Variants in ROBO2 observed in about 807,000 individuals in gnomAD.
The protein encoded by ROBO2 is roundabout guidance receptor 2, also known as roundabout homolog 2.
ROBO2 carries 53 observed loss-of-function variants against 160.8 expected under a neutral mutation model. The ratio of observed to expected loss-of-function variants is 0.33; its 90% confidence interval spans 0.26 to 0.41. The LOEUF (loss-of-function observed/expected upper bound fraction) is 0.41. Among genes scored for constraint, ROBO2 ranks in the 10% least tolerant of loss-of-function variants. ROBO2 has a pLI of 1.00. For synonymous variants in ROBO2, 664 were observed against 611.7 expected (o/e 1.09, Z -1.26); for missense variants, 1,577 against 1,722.4 (o/e 0.92, Z 1.49).
intron 2 of ROBO2, among the ~76,000 whole-genome samples, chr3:77,404,598 A>C (rs1295069780): frequency 1.3e-5 from 2 of 152,190 alleles, no homozygotes; most frequent in African/African-American, 4.8e-5. Context: ...ATATGAAAGA[A>C]GGAAAATTCC....
At chr3:76,377,631 G>T (rs1418872929) in intron 2 of ROBO2, among the ~76,000 whole-genome samples, 1 of 152,106 alleles carries the variant, frequency 6.6e-6, no homozygotes, top group African/African-American at 2.4e-5. Context: ...TTCAGCGAAT[G>T]CTCTCCCTAT....
At chr3:76,029,763 C>T (rs1188790331) in intron 2 of ROBO2, among the ~76,000 whole-genome samples, 1 of 152,160 alleles carries the variant, frequency 6.6e-6, no homozygotes, top group Non-Finnish European at 1.5e-5. Flanking sequence ...TCCAGTCTAT[C>T]ATTGATGGAC....
chr3:77,128,173 G>T (rs969505734), intron 2 of ROBO2, among the ~76,000 whole-genome samples: 2 of 152,158 alleles, frequency 1.3e-5, no homozygotes, highest in African/African-American at 2.4e-5. Flanking sequence ...TGCATATCCA[G>T]GTGTTAAGGC....
At chr3:77,053,422 G>A (rs1325708035) in intron 1 of ROBO2, among the ~76,000 whole-genome samples, 1 of 152,068 alleles carries the variant, frequency 6.6e-6, no homozygotes. Flanking sequence ...ATCTGAATAT[G>A]AGAACAAACA....
intron 24 of ROBO2, among the ~76,000 whole-genome samples, chr3:77,639,202 C>T (rs947851306): frequency 1.3e-5 from 2 of 152,078 alleles, no homozygotes; most frequent in African/African-American, 4.8e-5. Context: ...CTAGCTTTGG[C>T]CTTTGAGCAA....
chr3:77,312,740 A>G (rs1453045779), intron 2 of ROBO2, among the ~76,000 whole-genome samples: 1 of 152,228 alleles, frequency 6.6e-6, no homozygotes, highest in Non-Finnish European at 1.5e-5. Context: ...AGTTTGCACT[A>G]TTGGTGAGTG....
chr3:76,461,670 T>C (rs544709595), intron 2 of ROBO2, among the ~76,000 whole-genome samples: 3 of 152,324 alleles, frequency 2.0e-5, no homozygotes, highest in African/African-American at 7.2e-5. Context: ...ACAATTTCTT[T>C]ACAAATTCTT....
At chr3:76,378,621 T>C (rs1311012288) in intron 2 of ROBO2, among the ~76,000 whole-genome samples, 1 of 152,202 alleles carries the variant, frequency 6.6e-6, no homozygotes, top group Non-Finnish European at 1.5e-5. Context: ...GTAGCAAGTT[T>C]AGTAAAACAA....
intron 21 of ROBO2, 62 bp from the exon 23 acceptor site, chr3:77,617,451 T>A: frequency 1.3e-6 from 2 of 1,582,486 alleles, no homozygotes; most frequent in Non-Finnish European, 1.7e-6. Context: ...CCAGTATAAT[T>A]GTGTGCATGT....
At chr3:77,527,126 T>A (rs2091241464) in intron 6 of ROBO2, among the ~76,000 whole-genome samples, 1 of 151,448 alleles carries the variant, frequency 6.6e-6, no homozygotes, top group Non-Finnish European at 1.5e-5. Flanking sequence ...ATCTTTGAAA[T>A]AATAACTGCA....
At chr3:77,390,150 G>A (rs181045127) in intron 2 of ROBO2, among the ~76,000 whole-genome samples, 3 of 152,200 alleles carry the variant, frequency 2.0e-5, no homozygotes, top group East Asian at 1.9e-4. Flanking sequence ...CAGTCCTTCC[G>A]CCCCTTCTTC....
chr3:75,922,081 A>C (rs1026836165), intron 1 of ROBO2, among the ~76,000 whole-genome samples: 1 of 152,150 alleles, frequency 6.6e-6, no homozygotes, highest in African/African-American at 2.4e-5. Flanking sequence ...TAATTAAATA[A>C]TTTCATGTTA....
intron 2 of ROBO2, among the ~76,000 whole-genome samples, chr3:76,349,066 A>G (rs1399904985): frequency 1.3e-5 from 2 of 152,146 alleles, no homozygotes; most frequent in African/African-American, 2.4e-5. Context: ...CTTACTGTTT[A>G]AGATCTCTGT....
At chr3:76,076,997 G>A (rs912588631) in intron 2 of ROBO2, among the ~76,000 whole-genome samples, 4 of 151,946 alleles carry the variant, frequency 2.6e-5, no homozygotes, top group African/African-American at 9.7e-5. Flanking sequence ...TGTTTAATTC[G>A]GGCTCTACTT....
chr3:76,374,100 C>T (rs1388255720), intron 2 of ROBO2, among the ~76,000 whole-genome samples: 1 of 151,884 alleles, frequency 6.6e-6, no homozygotes, highest in Non-Finnish European at 1.5e-5. Flanking sequence ...TGACTCATTT[C>T]TTTTATCAAA....
intron 1 of ROBO2, among the ~76,000 whole-genome samples, chr3:77,061,998 G>C (rs574007737): frequency 1.8e-4 from 27 of 152,146 alleles, no homozygotes; most frequent in African/African-American, 5.8e-4. Flanking sequence ...GAAAACATTA[G>C]TAGATTCAAA....
chr3:77,562,515 T>TTGAC, intron 9 of ROBO2, 136 bp from the exon 11 acceptor site: 1 of 638,194 alleles, frequency 1.6e-6, no homozygotes, highest in Non-Finnish European at 2.9e-6. Context: ...ATACATATGA[T>TTGAC]TGACTCTAAT....
At chr3:77,648,306 C>G (rs1455722965) in exon 26 of ROBO2, 1 of 152,098 alleles carries the variant, frequency 6.6e-6, no homozygotes, top group Non-Finnish European at 1.5e-5. Context: ...TAGTCTAAAA[C>G]CTTAGTTCAT....
chr3:76,318,968 T>A (rs1343438381), intron 2 of ROBO2, among the ~76,000 whole-genome samples: 1 of 152,084 alleles, frequency 6.6e-6, no homozygotes, highest in Non-Finnish European at 1.5e-5. Flanking sequence ...CTGGGGATAT[T>A]TTAGCTGTTA....
Sources: gnomAD v4.1 joint callset for allele counts (sites outside exome capture counted in the v4.1 genomes callset) on GRCh38, gnomAD v4.1.1 for gene constraint, MANE v1.5 for transcripts, NCBI Gene and HGNC (gene_info 2026-07-23, HGNC 2026-07-21) for gene names.